The following SNTG1 variants were observed in gnomAD, a reference collection of about 807,000 sequenced individuals.
SNTG1 encodes the protein syntrophin gamma 1, also known as gamma-1-syntrophin.
SNTG1 carries 39 observed loss-of-function variants against 74.7 expected under a neutral mutation model. The observed-to-expected ratio is 0.52, with a 90% confidence interval of 0.40 to 0.68. The LOEUF is 0.68. SNTG1 is among the 30% of genes least tolerant of loss of function. The pLI, the probability that SNTG1 is intolerant of heterozygous loss-of-function variation, is 0.00. For synonymous variants in SNTG1, 254 were observed against 217.1 expected, an observed-to-expected ratio of 1.17 and a Z score of -1.49; for missense variants, 685 against 609.5, an observed-to-expected ratio of 1.12 and a Z score of -1.30.
chr8:49,935,625 C>A (rs1335273592), intron 1 of SNTG1, among the ~76,000 whole-genome samples: 1 of 151,784 alleles, frequency 6.6e-6, no homozygotes, highest in East Asian at 1.9e-4. Context: ...TTAAGACAGA[C>A]AGGAGAAATC....
chr8:50,648,434 A>G (rs1328007388), intron 13 of SNTG1, among the ~76,000 whole-genome samples: 1 of 152,064 alleles, frequency 6.6e-6, no homozygotes, highest in Non-Finnish European at 1.5e-5. Flanking sequence ...ATTAATAGAG[A>G]AACTGTAAGT....
At chr8:50,358,810 T>G (rs974977013) in intron 2 of SNTG1, among the ~76,000 whole-genome samples, 14 of 152,192 alleles carry the variant, frequency 9.2e-5, no homozygotes, top group Admixed American at 2.6e-4. Flanking sequence ...TGGTAATGTT[T>G]TAAGGCTTGA....
intron 18 of SNTG1, among the ~76,000 whole-genome samples, chr8:50,778,556 T>C (rs1331532838): frequency 2.6e-5 from 4 of 152,122 alleles, no homozygotes; most frequent in Non-Finnish European, 1.5e-5. Flanking sequence ...GGTTGTTTGT[T>C]TCTTTCTTGT....
intron 1 of SNTG1, among the ~76,000 whole-genome samples, chr8:50,102,875 T>G (rs1408154855): frequency 6.8e-6 from 1 of 148,134 alleles, no homozygotes; most frequent in East Asian, 2.0e-4. Flanking sequence ...GTTGTAGATA[T>G]GCGGCGTTAT....
chr8:50,730,236 T>A (rs1585656735), intron 17 of SNTG1, among the ~76,000 whole-genome samples: 1 of 152,148 alleles, frequency 6.6e-6, no homozygotes, highest in Non-Finnish European at 1.5e-5. Flanking sequence ...AAAGACATGC[T>A]TAGTTTTCTC....
At chr8:50,103,951 G>T (rs1433379552) in intron 1 of SNTG1, among the ~76,000 whole-genome samples, 1 of 152,140 alleles carries the variant, frequency 6.6e-6, no homozygotes, top group East Asian at 1.9e-4. Flanking sequence ...TGTGCTGCTG[G>T]ATTTGGTTTG....
At chr8:50,314,326 T>A (rs756027628) in intron 2 of SNTG1, among the ~76,000 whole-genome samples, 15 of 149,672 alleles carry the variant, frequency 1.0e-4, no homozygotes, top group Non-Finnish European at 2.2e-4. Flanking sequence ...GATTGGGACA[T>A]GCTTCAGTGT....
chr8:49,986,417 C>A (rs181289462), intron 1 of SNTG1, among the ~76,000 whole-genome samples: 180 of 152,242 alleles, frequency 1.2e-3, no homozygotes, highest in African/African-American at 4.2e-3. Flanking sequence ...TGTGGTTAAG[C>A]TGGAGGTATC....
intron 9 of SNTG1, among the ~76,000 whole-genome samples, chr8:50,525,357 C>T (rs182348707): frequency 6.6e-6 from 1 of 152,140 alleles, no homozygotes; most frequent in Admixed American, 6.6e-5. Flanking sequence ...TCAGTGTGAG[C>T]CTTTCTAGGT....
intron 2 of SNTG1, among the ~76,000 whole-genome samples, chr8:50,225,875 A>G (rs758006279): frequency 1.3e-5 from 2 of 152,186 alleles, no homozygotes; most frequent in Non-Finnish European, 2.9e-5. Flanking sequence ...TTGTGGTTCA[A>G]GAAGTATTGA....
intron 2 of SNTG1, among the ~76,000 whole-genome samples, chr8:50,241,411 A>T: frequency 6.6e-6 from 1 of 152,170 alleles, no homozygotes; most frequent in East Asian, 1.9e-4. Flanking sequence ...TAAATGGAAG[A>T]AAAACAATAT....
At chr8:50,735,789 T>G (rs912101494) in intron 17 of SNTG1, among the ~76,000 whole-genome samples, 1 of 151,824 alleles carries the variant, frequency 6.6e-6, no homozygotes, top group Non-Finnish European at 1.5e-5. Flanking sequence ...AAGATACTCC[T>G]CAAGAAGAGC....
chr8:50,395,691 G>A (rs776397430), intron 3 of SNTG1, among the ~76,000 whole-genome samples: 10 of 151,568 alleles, frequency 6.6e-5, no homozygotes, highest in Non-Finnish European at 1.2e-4. Context: ...TTGTATTTTT[G>A]TATTAGAGAC....
chr8:50,305,163 T>C (rs998612305), intron 2 of SNTG1, among the ~76,000 whole-genome samples: 2 of 152,058 alleles, frequency 1.3e-5, no homozygotes, highest in Non-Finnish European at 2.9e-5. Flanking sequence ...TTTATTGAGC[T>C]CTTGTATGTT....
chr8:50,732,699 G>C (rs564651108), intron 17 of SNTG1, among the ~76,000 whole-genome samples: 1 of 151,142 alleles, frequency 6.6e-6, no homozygotes, highest in Non-Finnish European at 1.5e-5. Context: ...ATTTTACAAC[G>C]TCATCAACAA....
chr8:50,111,904 C>T (rs954294048), intron 1 of SNTG1, among the ~76,000 whole-genome samples: 8 of 151,898 alleles, frequency 5.3e-5, no homozygotes, highest in African/African-American at 1.9e-4. Flanking sequence ...TTAAAAAACT[C>T]ACAAAGGAAG....
chr8:50,319,313 G>A (rs970865563), intron 2 of SNTG1, among the ~76,000 whole-genome samples: 3 of 152,066 alleles, frequency 2.0e-5, no homozygotes, highest in Non-Finnish European at 4.4e-5. Context: ...TCAGTGAGCT[G>A]AGATCATGCT....
At chr8:50,184,891 CAGTT>C (rs1421657270) in intron 2 of SNTG1, among the ~76,000 whole-genome samples, 3 of 152,008 alleles carry the variant, frequency 2.0e-5, no homozygotes, top group African/African-American at 4.8e-5. Flanking sequence ...TTGTAAATGA[CAGTT>C]ATTTATTACT....
chr8:50,327,280 A>G (rs1233149453), intron 2 of SNTG1, among the ~76,000 whole-genome samples: 1 of 152,150 alleles, frequency 6.6e-6, no homozygotes, highest in Non-Finnish European at 1.5e-5. Flanking sequence ...TGCAAAGATA[A>G]TAGCGAATTC....
Sources: gnomAD v4.1 joint callset for allele counts (sites outside exome capture counted in the v4.1 genomes callset) on GRCh38, gnomAD v4.1.1 for gene constraint, MANE v1.5 for transcripts, NCBI Gene and HGNC (gene_info 2026-07-23, HGNC 2026-07-21) for gene names.